Variants in PBRM1 observed in about 807,000 individuals in gnomAD.
PBRM1 encodes the protein polybromo 1.
In PBRM1, 27 loss-of-function variants were observed where a neutral mutation model predicts 194.5. That is an observed-to-expected ratio of 0.14 (90% CI 0.10 to 0.19). PBRM1 has a LOEUF of 0.19. PBRM1 is among the 10% of genes least tolerant of loss of function. The probability of loss-of-function intolerance (pLI) is 1.00; values close to 1 mark genes in which losing one functional copy is unlikely to be tolerated. For synonymous variants in PBRM1, 655 were observed against 693.2 expected, an observed-to-expected ratio of 0.94 and a Z score of 0.87; for missense variants, 1,466 against 2,077.2, an observed-to-expected ratio of 0.71 and a Z score of 5.72.
chr3:52,667,407 A>T (rs532777364), intron 3 of PBRM1, among the ~76,000 whole-genome samples: 12 of 152,264 alleles, frequency 7.9e-5, no homozygotes, highest in African/African-American at 2.2e-4. Flanking sequence ...TAAAAAAAAT[A>T]AAAAAACTGA....
intron 8 of PBRM1, among the ~76,000 whole-genome samples, chr3:52,643,698 G>T (rs914318769): frequency 6.6e-6 from 1 of 152,274 alleles, no homozygotes; most frequent in Admixed American, 6.5e-5. Flanking sequence ...CTGGCCGGGC[G>T]CAGTGGCTCA....
chr3:52,603,615 T>C (rs34341044), exon 17 of PBRM1: 51,254 of 1,613,290 alleles, frequency 0.032, 1,036 homozygotes, highest in Non-Finnish European at 0.039. Flanking sequence ...GCAAATGTTT[T>C]GTGGTATAGC....
intron 1 of PBRM1, among the ~76,000 whole-genome samples, chr3:52,679,251 C>T (rs1274204810): frequency 5.3e-5 from 8 of 150,302 alleles, no homozygotes; most frequent in African/African-American, 2.0e-4. Flanking sequence ...CTACTTCCCC[C>T]GCCTGGAATC....
At chr3:52,560,814 T>A (rs2083340331) in intron 25 of PBRM1, 1 of 152,116 alleles carries the variant, frequency 6.6e-6, no homozygotes, top group Non-Finnish European at 1.5e-5. Context: ...ATAATTATAA[T>A]AAATGACCTT....
chr3:52,607,552 T>G (rs78410573), intron 16 of PBRM1, among the ~76,000 whole-genome samples: 5,432 of 152,248 alleles, frequency 0.036, 129 homozygotes, highest in Middle Eastern at 0.061. Flanking sequence ...AAATACTCAT[T>G]GAAAGACTCA....
intron 17 of PBRM1, among the ~76,000 whole-genome samples, chr3:52,602,628 T>G (rs920292406): frequency 6.6e-6 from 1 of 152,248 alleles, no homozygotes; most frequent in Non-Finnish European, 1.5e-5. Flanking sequence ...CATGCATTTC[T>G]GCATCAACCA....
At chr3:52,627,459 C>CTAGCTGATATGTCT in intron 12 of PBRM1, 89 bp from the exon 14 acceptor site, 2 of 727,304 alleles carry the variant, frequency 2.7e-6, no homozygotes, top group Non-Finnish European at 4.7e-6. Context: ...ATATCAGATT[C>CTAGCTGATATGTCT]ACTCAGAAAA....
intron 29 of PBRM1, among the ~76,000 whole-genome samples, chr3:52,550,125 G>A (rs1221835002): frequency 6.6e-6 from 1 of 151,764 alleles, no homozygotes; most frequent in Non-Finnish European, 1.5e-5. Context: ...GGCTGAGGCA[G>A]AAGAATCAGT....
At chr3:52,636,061 T>C (rs926914388) in intron 10 of PBRM1, among the ~76,000 whole-genome samples, 7 of 151,744 alleles carry the variant, frequency 4.6e-5, no homozygotes, top group African/African-American at 1.5e-4. Flanking sequence ...TTAGTAGAGA[T>C]GGGGTTTCAC....
chr3:52,682,587 C>T (rs1021918601), upstream of PBRM1, among the ~76,000 whole-genome samples: 3 of 152,050 alleles, frequency 2.0e-5, no homozygotes, highest in African/African-American at 7.2e-5. Context: ...ATTTTCTTAT[C>T]CATGGGACAC....
At chr3:52,660,229 G>A (rs1451048191) in intron 4 of PBRM1, among the ~76,000 whole-genome samples, 1 of 152,148 alleles carries the variant, frequency 6.6e-6, no homozygotes, top group Non-Finnish European at 1.5e-5. Flanking sequence ...CTAGAGCCCT[G>A]AAGGCCTACA....
intron 4 of PBRM1, among the ~76,000 whole-genome samples, chr3:52,659,268 G>C (rs1245959653): frequency 6.6e-6 from 1 of 152,180 alleles, no homozygotes; most frequent in Non-Finnish European, 1.5e-5. Context: ...ATAAGCAATG[G>C]AATGTCTCAG....
chr3:52,601,448 TAC>T (rs766968629), intron 17 of PBRM1, among the ~76,000 whole-genome samples: 18 of 152,274 alleles, frequency 1.2e-4, no homozygotes, highest in Non-Finnish European at 2.2e-4. Context: ...ATCCCTCACA[TAC>T]ACAGTCCACA....
chr3:52,582,894 G>A (rs1205127439), intron 20 of PBRM1, among the ~76,000 whole-genome samples: 5 of 149,612 alleles, frequency 3.3e-5, no homozygotes, highest in African/African-American at 1.2e-4. Flanking sequence ...TCAGGAGATC[G>A]AGACCATCCT....
intron 16 of PBRM1, among the ~76,000 whole-genome samples, chr3:52,607,988 TCTGGCCTATTCATTTGAAC>T (rs1305435648): frequency 1.3e-5 from 2 of 152,248 alleles, no homozygotes; most frequent in African/African-American, 4.8e-5. Flanking sequence ...TGAAATATCC[TCTGGCCTATTCATTTGAAC>T]CCTACCTATC....
rs183157690 is a variant in PBRM1 at position 52,609,371 on chromosome 3, G to C, written c.2509C>G (p.Leu837Val). The C allele has an allele frequency of 1.2e-6, 2 of 1,613,832 alleles. No homozygotes were observed. The highest frequency in any genetic ancestry group is 1.3e-5 in the African/African-American group (1 of 75,040). Residue 837 changes from leucine to valine, a missense_variant, in exon 16 of 30, where the codon CTT becomes GTT. Leu to Val is a conservative substitution (Grantham distance 32). Around this residue, in one of 5 missense-constraint regions of PBRM1, gnomAD observed 687 missense variants for 946.2 expected, o/e 0.73. Coordinates refer to ENST00000296302, the Ensembl canonical transcript of PBRM1. This position sits in a 1 kb window ranked among gnomAD's most constrained non-coding sequence, Gnocchi z 4.1. ...AACATATGCTCTTGAAATAAATCAA[G>C]CCGACGGTAGCGATTATTTTCAACA... is the stretch of plus-strand genomic sequence containing the variant.
At chr3:52,585,837 T>A (rs1261425390) in intron 20 of PBRM1, 1 of 151,998 alleles carries the variant, frequency 6.6e-6, no homozygotes, top group Non-Finnish European at 1.5e-5. Context: ...CTTCCACATT[T>A]TGTGTCGAAG....
intron 4 of PBRM1, among the ~76,000 whole-genome samples, chr3:52,660,756 G>A (rs1475868918): frequency 6.6e-6 from 1 of 152,042 alleles, no homozygotes; most frequent in African/African-American, 2.4e-5. Context: ...CAGGTGATCT[G>A]CCTGCCTTGG....
intron 13 of PBRM1, among the ~76,000 whole-genome samples, chr3:52,621,733 A>C (rs1013893972): frequency 2.0e-5 from 3 of 152,182 alleles, no homozygotes; most frequent in Non-Finnish European, 2.9e-5. Context: ...AGGACTGTTC[A>C]TCATTGTGCA....
Sources: allele counts gnomAD v4.1 joint callset (sites outside exome capture counted in the v4.1 genomes callset), GRCh38; gene constraint gnomAD v4.1.1; regional missense constraint gnomAD v4.1.1; non-coding constraint Gnocchi (gnomAD v3.1); transcripts MANE v1.5; gene names NCBI Gene and HGNC (gene_info 2026-07-23, HGNC 2026-07-21).